The following DTNA variants were observed in gnomAD, a reference collection of about 807,000 sequenced individuals.
DTNA encodes dystrobrevin alpha, also known as dystrophin-related protein 3.
Under a neutral mutation model 100.7 loss-of-function variants are expected in DTNA, and 43 were observed. The observed-to-expected ratio is 0.43, with a 90% CI of 0.33 to 0.55. The LOEUF is 0.55. Among genes scored for constraint, DTNA ranks in the 20% least tolerant of loss-of-function variants. The pLI is 0.04. For synonymous variants in DTNA, 349 were observed against 347.9 expected (o/e 1.00, Z -0.04); for missense variants, 798 against 953.9 (o/e 0.84, Z 2.15).
Position 34,820,825 on chromosome 18 carries a change from G to A in DTNA, c.911G>A (p.Ser304Asn), listed in dbSNP as rs1476925783. ...SPAKKLTNALSKSLSCASSRE... is the reference protein window; with the variant it reads ...SPAKKLTNALNKSLSCASSRE... ...GCTAAGAAGCTGACTAATGCATTAA[G>A]CAAGTCCCTGAGCTGTGCTTCCAGC... Residue 304 changes from serine to asparagine, a missense_variant, in exon 9 of 23, where the codon AGC (serine) becomes AAC (asparagine). Physicochemically the swap from Ser to Asn is conservative, Grantham distance 46. Coordinates refer to ENST00000444659, the MANE Select transcript of DTNA (RefSeq NM_001386795.1). The A allele has an allele frequency of 1.9e-6, 3 of 1,613,932 alleles. No individual in the cohort carries two copies. Among genetic ancestry groups the A allele is most frequent in the Non-Finnish European group, 2.5e-6 (3 of 1,180,000 alleles).
intron 10 of DTNA, 143 bp from the exon 11 acceptor site, chr18:34,829,257 G>C: frequency 3.3e-6 from 5 of 1,524,530 alleles, no homozygotes; most frequent in Non-Finnish European, 4.4e-6. Flanking sequence ...ATTTCTTTCT[G>C]TCACCACAGA....
intron 3 of DTNA, among the ~76,000 whole-genome samples, chr18:34,768,944 T>C (rs2093626883): frequency 6.6e-6 from 1 of 151,972 alleles, no homozygotes; most frequent in Admixed American, 6.6e-5. Flanking sequence ...GTGCCCTGAG[T>C]TGTTGGGGGT....
At chr18:34,620,940 T>C (rs1387874886) in intron 1 of DTNA, among the ~76,000 whole-genome samples, 2 of 152,100 alleles carry the variant, frequency 1.3e-5, no homozygotes, top group African/African-American at 4.8e-5. Flanking sequence ...GTATTTGGAG[T>C]AACTGAATTG....
At chr18:34,790,790 A>C (rs1179304237) in intron 3 of DTNA, among the ~76,000 whole-genome samples, 7 of 152,160 alleles carry the variant, frequency 4.6e-5, no homozygotes, top group Non-Finnish European at 1.0e-4. Context: ...GAATGAAAAA[A>C]GAACTGACTC....
intron 10 of DTNA, 87 bp downstream of exon 10, chr18:34,827,763 A>G: frequency 2.3e-6 from 3 of 1,327,424 alleles, no homozygotes; most frequent in Non-Finnish European, 2.2e-6. Context: ...CATGCAAGCC[A>G]AGGGCAGAAT....
At chr18:34,704,466 T>A (rs2081864029) in intron 1 of DTNA, among the ~76,000 whole-genome samples, 2 of 152,196 alleles carry the variant, frequency 1.3e-5, no homozygotes, top group Non-Finnish European at 2.9e-5. Flanking sequence ...AACAAATGCT[T>A]TCTAAACTCA....
chr18:34,737,161 T>C (rs2089767307), intron 1 of DTNA, among the ~76,000 whole-genome samples: 1 of 152,238 alleles, frequency 6.6e-6, no homozygotes. Context: ...CAGAACGGTA[T>C]ATTTTATACA....
rs544504006 is a variant in DTNA, at chr18:34,863,609, T to G, written c.1647-357T>G. ...TGGAGAATCTGGAAGATTTGCCTTTTTCAGTGACAATTTGGTTTTTGTTTG... is the reference window on the plus strand; with the variant it reads ...TGGAGAATCTGGAAGATTTGCCTTTGTCAGTGACAATTTGGTTTTTGTTTG... On this transcript the variant is annotated intron_variant, in intron 16 of 22. Coordinates refer to ENST00000444659, the MANE Select transcript of DTNA (RefSeq NM_001386795.1). Among the ~76,000 whole-genome samples the G allele has an allele frequency of 4.6e-5, 7 of 152,350 alleles. No homozygotes were observed. In the South Asian group the frequency reaches 1.2e-3, roughly 27 times the overall value.
chr18:34,493,892 G>A (rs980572867), intron 1 of DTNA: 52 of 148,074 alleles, frequency 3.5e-4, no homozygotes, highest in African/African-American at 1.2e-3. Context: ...CTAGCGCGAA[G>A]CATGTGCCGG....
chr18:34,575,723 G>A (rs1165128601), intron 1 of DTNA, among the ~76,000 whole-genome samples: 2 of 152,082 alleles, frequency 1.3e-5, no homozygotes, highest in African/African-American at 4.8e-5. Context: ...ACTTGGGATT[G>A]GATGGATTCT....
chr18:34,498,888 A>T (rs1210163412), intron 1 of DTNA, among the ~76,000 whole-genome samples: 1 of 152,262 alleles, frequency 6.6e-6, no homozygotes, highest in African/African-American at 2.4e-5. Context: ...TAATTAGAAT[A>T]TATTCAATCA....
At chr18:34,682,532 A>G (rs917266592) in intron 1 of DTNA, among the ~76,000 whole-genome samples, 4 of 152,138 alleles carry the variant, frequency 2.6e-5, no homozygotes, top group Non-Finnish European at 4.4e-5. Context: ...CCTCTCCAGC[A>G]TTTGATGTCA....
intron 1 of DTNA, chr18:34,558,184 C>T (rs2579795): frequency 0.092 from 14,060 of 153,196 alleles, 652 homozygotes; most frequent in South Asian, 0.11. Flanking sequence ...CTCCCTGACC[C>T]CTTGCGCTTC....
At chr18:34,587,786 A>G (rs9961517) in intron 1 of DTNA, among the ~76,000 whole-genome samples, 15,454 of 152,172 alleles carry the variant, frequency 0.1, 1,145 homozygotes, top group African/African-American at 0.2. Flanking sequence ...CTTTATCACA[A>G]GCATACATAT....
chr18:34,761,126 TCACACA>T (rs6146260), intron 2 of DTNA, among the ~76,000 whole-genome samples: 2,984 of 149,206 alleles, frequency 0.02, 44 homozygotes, highest in East Asian at 0.027. Flanking sequence ...CCTCCATCCT[TCACACA>T]CACACACACA....
At chr18:34,645,793 A>T (rs1019323924) in intron 1 of DTNA, among the ~76,000 whole-genome samples, 1 of 152,016 alleles carries the variant, frequency 6.6e-6, no homozygotes, top group Non-Finnish European at 1.5e-5. Context: ...AGCTGTATTG[A>T]CTTTAGAAGC....
At chr18:34,833,516 G>A (rs2096065884) in intron 11 of DTNA, among the ~76,000 whole-genome samples, 1 of 151,816 alleles carries the variant, frequency 6.6e-6, no homozygotes, top group Non-Finnish European at 1.5e-5. Context: ...GAAGCCAGAG[G>A]ATTTTTGTTA....
chr18:34,794,334 T>A (rs1377083871), intron 4 of DTNA, 84 bp downstream of exon 4: 1 of 1,483,056 alleles, frequency 6.7e-7, no homozygotes, highest in Non-Finnish European at 9.4e-7. Context: ...CAAACAATTT[T>A]ATATCTCTCT....
chr18:34,556,435 C>G (rs2046056228), intron 1 of DTNA, among the ~76,000 whole-genome samples: 1 of 150,146 alleles, frequency 6.7e-6, no homozygotes, highest in African/African-American at 2.4e-5. Context: ...GGTGATTTTG[C>G]TCGTTAGTTG....
Sources: gnomAD v4.1 joint callset for allele counts (sites outside exome capture counted in the v4.1 genomes callset) on GRCh38, gnomAD v4.1.1 for gene constraint, MANE v1.5 for transcripts, NCBI Gene and HGNC (gene_info 2026-07-23, HGNC 2026-07-21) for gene names.